The following PTPRR variants were observed in gnomAD, a reference collection of about 807,000 sequenced individuals.
PTPRR encodes the protein protein tyrosine phosphatase receptor type R.
A neutral mutation model predicts 77.2 loss-of-function variants in PTPRR; 38 were observed. The ratio of observed to expected loss-of-function variants is 0.49; its 90% CI spans 0.38 to 0.65. PTPRR has a LOEUF of 0.65. Ranked by LOEUF, PTPRR falls within the 30% of genes least tolerant of loss-of-function variation. The pLI is 0.00. For synonymous variants in PTPRR, 299 were observed against 283.1 expected, an observed-to-expected ratio of 1.06 and a Z score of -0.57; for missense variants, 744 against 799.2, an observed-to-expected ratio of 0.93 and a Z score of 0.83.
intron 6 of PTPRR, among the ~76,000 whole-genome samples, chr12:70,711,948 T>C (rs1888842127): frequency 6.6e-6 from 1 of 152,156 alleles, no homozygotes; most frequent in South Asian, 2.1e-4. Flanking sequence ...GTTATTTAAA[T>C]ATACATCTCT....
intron 2 of PTPRR, among the ~76,000 whole-genome samples, chr12:70,886,053 C>G (rs1332103933): frequency 6.6e-6 from 1 of 152,112 alleles, no homozygotes; most frequent in Non-Finnish European, 1.5e-5. Flanking sequence ...CCCAAACAAG[C>G]AGATGCACTG....
intron 6 of PTPRR, among the ~76,000 whole-genome samples, chr12:70,743,865 G>A (rs1359485360): frequency 2.0e-5 from 3 of 152,118 alleles, no homozygotes; most frequent in Admixed American, 6.5e-5. Flanking sequence ...GTCTACAGAG[G>A]GCAGGATGCT....
chr12:70,672,592 AGT>A, intron 10 of PTPRR: 1 of 1,446,782 alleles, frequency 6.9e-7, no homozygotes, highest in East Asian at 2.6e-5. Flanking sequence ...GACCAAGGAC[AGT>A]GTAGCAGATG....
chr12:70,810,471 G>A (rs1891789757), intron 2 of PTPRR, among the ~76,000 whole-genome samples: 1 of 152,102 alleles, frequency 6.6e-6, no homozygotes, highest in Non-Finnish European at 1.5e-5. Flanking sequence ...AGTGGCAAAA[G>A]GTCAATGCAT....
chr12:70,684,022 A>G (rs1168922998), intron 10 of PTPRR, 105 bp downstream of exon 10: 14 of 1,249,538 alleles, frequency 1.1e-5, no homozygotes, highest in South Asian at 4.7e-5. Flanking sequence ...TAAATGTCTC[A>G]GAGTTTCCAT....
chr12:70,880,290 A>T lies in PTPRR; in HGVS notation c.357+12389T>A, dbSNP rs1893126805. On this transcript the variant is annotated intron_variant, in intron 2 of 13. Coordinates refer to ENST00000283228, the MANE Select transcript of PTPRR (RefSeq NM_002849.4). ...ATAAACAAGGAAACTGAAATACAAGATGCTAACTTAGTCATTGAAGGAAAC... is the reference window on the plus strand; with the variant it reads ...ATAAACAAGGAAACTGAAATACAAGTTGCTAACTTAGTCATTGAAGGAAAC... Among the ~76,000 whole-genome samples the T allele has an allele frequency of 3.3e-5, 5 of 152,276 alleles. No individual in the cohort carries two copies. In the South Asian group the frequency reaches 8.3e-4, roughly 25 times the overall value.
intron 2 of PTPRR, among the ~76,000 whole-genome samples, chr12:70,828,796 A>G (rs748903145): frequency 6.6e-6 from 1 of 152,196 alleles, no homozygotes; most frequent in Admixed American, 6.5e-5. Context: ...CTCAGAATAA[A>G]CCACTTAATG....
intron 4 of PTPRR, among the ~76,000 whole-genome samples, chr12:70,757,343 A>AT (rs1392939863): frequency 6.6e-6 from 1 of 152,210 alleles, no homozygotes; most frequent in East Asian, 1.9e-4. Context: ...TTCCTGAATC[A>AT]TTTTTAAAAA....
chr12:70,693,525 T>G (rs988606887), intron 8 of PTPRR, among the ~76,000 whole-genome samples: 1 of 152,124 alleles, frequency 6.6e-6, no homozygotes, highest in African/African-American at 2.4e-5. Context: ...AATTAAACTT[T>G]TTTTGTGTGT....
At position 70,759,036 on chromosome 12, in the gene PTPRR, G is replaced by C. The variant is rs1017518850; in HGVS notation, c.627+2435C>G. 4.0e-4 allele frequency among the ~76,000 whole-genome samples: 61 copies of C among 152,182 alleles called. 1 individual carries two copies. Among genetic ancestry groups the C allele is most frequent in the Admixed American group, 3.8e-3 (58 of 15,274 alleles). ...TACAACCGTAAATTCCTGGGCTCAG[G>C]TGATCCTCCTGCCTCAGCCTCCCAA... On this transcript the variant is annotated intron_variant, in intron 4 of 13. Coordinates refer to ENST00000283228, the MANE Select transcript of PTPRR (RefSeq NM_002849.4).
At chr12:70,833,466 C>T (rs1402261820) in intron 2 of PTPRR, among the ~76,000 whole-genome samples, 2 of 152,076 alleles carry the variant, frequency 1.3e-5, no homozygotes, top group African/African-American at 4.8e-5. Flanking sequence ...TGGAAGACAT[C>T]AGTGTAAAGG....
At chr12:70,889,729 C>T (rs1893302276) in intron 2 of PTPRR, among the ~76,000 whole-genome samples, 1 of 152,042 alleles carries the variant, frequency 6.6e-6, no homozygotes, top group Admixed American at 6.6e-5. Context: ...TCCCTTCTCC[C>T]CCCGCTTCTT....
At chr12:70,683,346 A>C (rs150441491) in intron 10 of PTPRR, among the ~76,000 whole-genome samples, 79 of 152,312 alleles carry the variant, frequency 5.2e-4, no homozygotes, top group African/African-American at 1.6e-3. Context: ...GGAATATTAC[A>C]ATTGTATTTT....
intron 2 of PTPRR, among the ~76,000 whole-genome samples, chr12:70,868,266 A>G (rs1246821351): frequency 5.9e-5 from 9 of 152,132 alleles, no homozygotes; most frequent in South Asian, 2.1e-4. Flanking sequence ...CAAAATGGGA[A>G]AAAATTTTCG....
intron 8 of PTPRR, among the ~76,000 whole-genome samples, chr12:70,695,215 G>T (rs1888191263): frequency 6.6e-6 from 1 of 152,136 alleles, no homozygotes; most frequent in African/African-American, 2.4e-5. Context: ...ACTAAGAAGA[G>T]TTTAGTGTAG....
At chr12:70,896,406 C>G (rs1257501173) in intron 1 of PTPRR, among the ~76,000 whole-genome samples, 1 of 151,492 alleles carries the variant, frequency 6.6e-6, no homozygotes, top group African/African-American at 2.4e-5. Flanking sequence ...ATAGAACACA[C>G]AACCCAAAAC....
intron 2 of PTPRR, among the ~76,000 whole-genome samples, chr12:70,880,594 A>G (rs2137103577): frequency 6.6e-6 from 1 of 152,278 alleles, no homozygotes; most frequent in South Asian, 2.1e-4. Context: ...TAGAATATAA[A>G]CTACACAGCT....
intron 6 of PTPRR, among the ~76,000 whole-genome samples, 194 bp from the exon 7 acceptor site, chr12:70,701,517 G>T (rs970382601): frequency 6.6e-6 from 1 of 152,132 alleles, no homozygotes; most frequent in Non-Finnish European, 1.5e-5. Context: ...CAATTTTGTT[G>T]TTGGAAAGAA....
At chr12:70,760,977 T>C (rs1890677098) in intron 4 of PTPRR, among the ~76,000 whole-genome samples, 1 of 152,200 alleles carries the variant, frequency 6.6e-6, no homozygotes, top group Non-Finnish European at 1.5e-5. Context: ...ACTTAAGTTC[T>C]TTAAAAAACT....
Sources: gnomAD v4.1 joint callset for allele counts (sites outside exome capture counted in the v4.1 genomes callset) on GRCh38, gnomAD v4.1.1 for gene constraint, MANE v1.5 for transcripts, NCBI Gene and HGNC (gene_info 2026-07-23, HGNC 2026-07-21) for gene names.